Variants in GRID2 observed in about 807,000 individuals in gnomAD.
GRID2 encodes glutamate receptor ionotropic, delta-2.
A neutral mutation model predicts 114.8 loss-of-function variants in GRID2; 33 were observed. The ratio of observed to expected loss-of-function variants is 0.29; its 90% confidence interval spans 0.22 to 0.38. GRID2 has a LOEUF of 0.38. Ranked by LOEUF, GRID2 falls within the 10% of genes least tolerant of loss-of-function variation. GRID2 has a pLI of 1.00. For missense variants in GRID2, 1,184 were observed against 1,257.7 expected (o/e 0.94, Z 0.89); for synonymous variants, 505 against 449.9 (o/e 1.12, Z -1.55).
chr4:93,787,225 G>A (rs1353635781), intron 1 of GRID2, among the ~76,000 whole-genome samples: 1 of 151,984 alleles, frequency 6.6e-6, no homozygotes, highest in Non-Finnish European at 1.5e-5. Context: ...TCCATTGGTT[G>A]TCACATGGCC....
chr4:92,727,063 T>C (rs1045736010), intron 2 of GRID2, among the ~76,000 whole-genome samples: 3 of 152,110 alleles, frequency 2.0e-5, no homozygotes, highest in Non-Finnish European at 4.4e-5. Context: ...TATCTAGTTA[T>C]CTAATAACAT....
chr4:92,884,964 A>G (rs894642605), intron 2 of GRID2: 2 of 315,640 alleles, frequency 6.3e-6, no homozygotes, highest in African/African-American at 4.4e-5. Context: ...CTAAAAGGCA[A>G]AGTGTTTTAA....
intron 1 of GRID2, among the ~76,000 whole-genome samples, chr4:92,306,033 A>T (rs1447634455): frequency 1.3e-5 from 2 of 152,124 alleles, no homozygotes; most frequent in Non-Finnish European, 2.9e-5. Flanking sequence ...GCATACACAT[A>T]CACACACGCA....
intron 4 of GRID2, among the ~76,000 whole-genome samples, chr4:93,139,936 G>T (rs1434592839): frequency 6.6e-6 from 1 of 152,062 alleles, no homozygotes; most frequent in Non-Finnish European, 1.5e-5. Flanking sequence ...AAGAATGTTT[G>T]TAACAATATT....
intron 13 of GRID2, among the ~76,000 whole-genome samples, chr4:93,616,377 C>G (rs2149675179): frequency 6.6e-6 from 1 of 151,798 alleles, no homozygotes; most frequent in East Asian, 1.9e-4. Context: ...AACCCTGTCT[C>G]TACCAAAAAT....
intron 4 of GRID2, among the ~76,000 whole-genome samples, chr4:93,204,360 G>T (rs1203052898): frequency 1.3e-5 from 2 of 152,114 alleles, no homozygotes; most frequent in African/African-American, 4.8e-5. Context: ...CAGATACTTA[G>T]TACTTGCCTA....
At chr4:93,525,465 T>C (rs1730791568) in intron 13 of GRID2, among the ~76,000 whole-genome samples, 1 of 152,134 alleles carries the variant, frequency 6.6e-6, no homozygotes, top group African/African-American at 2.4e-5. Flanking sequence ...AACTTGCTAA[T>C]TGGACATTAA....
At chr4:93,195,060 T>C (rs941772993) in intron 4 of GRID2, among the ~76,000 whole-genome samples, 5 of 152,202 alleles carry the variant, frequency 3.3e-5, no homozygotes, top group African/African-American at 1.2e-4. Flanking sequence ...AGAATTTTGT[T>C]CTAATTTTTT....
Position 93,449,620 on chromosome 4 carries a change from T to C in GRID2, c.1546-6042T>C, listed in dbSNP as rs1237768611. On this transcript the variant is annotated intron_variant, in intron 10 of 15. Transcript: ENST00000282020. ...GCCTTTTACAAAGCACTTTAAACCC[T>C]ATAGACAAACGTGGCTTGATGGCAG... is the stretch of plus-strand genomic sequence containing the variant. Among the ~76,000 whole-genome samples the C allele has an allele frequency of 2.6e-5, 4 of 152,082 alleles. No homozygotes were observed. The East Asian group carries it at 7.8e-4, about 30-fold the overall frequency.
chr4:92,694,135 C>A (rs1285277573), intron 2 of GRID2, among the ~76,000 whole-genome samples: 3 of 152,018 alleles, frequency 2.0e-5, no homozygotes, highest in African/African-American at 7.3e-5. Context: ...CTAAGCTGGA[C>A]AAAGCTAGAC....
intron 2 of GRID2, among the ~76,000 whole-genome samples, chr4:92,991,062 G>C (rs377219794): frequency 6.6e-6 from 1 of 151,940 alleles, no homozygotes; most frequent in African/African-American, 2.4e-5. Flanking sequence ...TCTGCATTAC[G>C]GACAATGACT....
At chr4:93,476,659 C>T (rs915563200) in intron 11 of GRID2, among the ~76,000 whole-genome samples, 7 of 151,910 alleles carry the variant, frequency 4.6e-5, no homozygotes, top group African/African-American at 9.7e-5. Context: ...GATATAAGAG[C>T]GTGAATACAA....
At chr4:93,361,870 G>A (rs779487315) in intron 8 of GRID2, among the ~76,000 whole-genome samples, 24 of 152,036 alleles carry the variant, frequency 1.6e-4, no homozygotes, top group Non-Finnish European at 3.1e-4. Flanking sequence ...AAACGTGCAG[G>A]ATGTGCAGGT....
At chr4:92,515,776 G>C (rs1034138401) in intron 1 of GRID2, among the ~76,000 whole-genome samples, 1 of 151,890 alleles carries the variant, frequency 6.6e-6, no homozygotes, top group African/African-American at 2.4e-5. Flanking sequence ...GATACATTCT[G>C]TGATTAACAG....
At chr4:92,840,410 T>G (rs532942290) in intron 2 of GRID2, among the ~76,000 whole-genome samples, 71 of 152,114 alleles carry the variant, frequency 4.7e-4, no homozygotes, top group African/African-American at 1.7e-3. Flanking sequence ...CCTTCTTTCT[T>G]TTCTCCCCTT....
chr4:92,550,731 A>G (rs985710960), intron 1 of GRID2, among the ~76,000 whole-genome samples: 2 of 152,166 alleles, frequency 1.3e-5, no homozygotes, highest in African/African-American at 4.8e-5. Flanking sequence ...ATGATGGGTC[A>G]TAACTATGAG....
At chr4:93,537,882 G>A (rs549276951) in intron 13 of GRID2, among the ~76,000 whole-genome samples, 1 of 151,438 alleles carries the variant, frequency 6.6e-6, no homozygotes, top group Non-Finnish European at 1.5e-5. Flanking sequence ...TGTTATATAG[G>A]TTCTTTTTAT....
At chr4:93,801,549 G>A (rs1292744643) in intron 1 of GRID2, among the ~76,000 whole-genome samples, 1 of 151,696 alleles carries the variant, frequency 6.6e-6, no homozygotes, top group East Asian at 1.9e-4. Context: ...ACTGATATTG[G>A]GTATAAAATA....
At chr4:92,510,195 CTA>C (rs1357957195) in intron 1 of GRID2, among the ~76,000 whole-genome samples, 1 of 151,742 alleles carries the variant, frequency 6.6e-6, no homozygotes, top group Non-Finnish European at 1.5e-5. Context: ...AAGTCAGAAT[CTA>C]TAGAACTTTC....
Sources: gnomAD v4.1 joint callset for allele counts (sites outside exome capture counted in the v4.1 genomes callset) on GRCh38, gnomAD v4.1.1 for gene constraint, MANE v1.5 for transcripts, NCBI Gene and HGNC (gene_info 2026-07-23, HGNC 2026-07-21) for gene names.